Variants in MLIP observed in about 807,000 individuals in gnomAD.
MLIP encodes the protein muscular LMNA interacting protein.
A neutral mutation model predicts 84.8 loss-of-function variants in MLIP; 79 were observed. That is an observed-to-expected ratio of 0.93 (90% CI 0.78 to 1.12). The LOEUF (loss-of-function observed/expected upper bound fraction) is 1.12, where lower values mean the gene tolerates loss of function less well. MLIP is among the 50% of genes most tolerant of loss of function. The pLI is 0.00. For missense variants in MLIP, 1,257 were observed against 1,160.6 expected (o/e 1.08, Z -1.21); for synonymous variants, 504 against 463.0 (o/e 1.09, Z -1.14).
chr6:54,127,093 A>G (rs894006727), intron 3 of MLIP, among the ~76,000 whole-genome samples: 1 of 152,006 alleles, frequency 6.6e-6, no homozygotes, highest in Admixed American at 6.6e-5. Flanking sequence ...GCTCTTCTCC[A>G]TTTTGACCTA....
At chr6:54,050,992 A>G (rs1765344186) in intron 1 of MLIP, among the ~76,000 whole-genome samples, 1 of 152,140 alleles carries the variant, frequency 6.6e-6, no homozygotes, top group Admixed American at 6.6e-5. Flanking sequence ...GACGTTTCCA[A>G]TGCAGGCTTT....
intron 10 of MLIP, among the ~76,000 whole-genome samples, chr6:54,200,272 G>A (rs1778578857): frequency 1.3e-5 from 2 of 152,210 alleles, no homozygotes; most frequent in African/African-American, 4.8e-5. Flanking sequence ...CTCTGGCAGA[G>A]GTTATCCTAC....
At chr6:54,070,144 C>T (rs1203532526) in intron 1 of MLIP, among the ~76,000 whole-genome samples, 1 of 152,144 alleles carries the variant, frequency 6.6e-6, no homozygotes, top group Non-Finnish European at 1.5e-5. Flanking sequence ...TAAATGTGGG[C>T]CATTGCTGAT....
At chr6:54,242,581 A>G (rs1781810461) in intron 12 of MLIP, among the ~76,000 whole-genome samples, 1 of 152,264 alleles carries the variant, frequency 6.6e-6, no homozygotes, top group South Asian at 2.1e-4. Flanking sequence ...GTTAATAGAG[A>G]TTATGACTTA....
intron 13 of MLIP, among the ~76,000 whole-genome samples, chr6:54,263,693 C>A (rs1318385819): frequency 6.6e-6 from 1 of 151,442 alleles, no homozygotes; most frequent in African/African-American, 2.4e-5. Context: ...GAATATATTA[C>A]CTATTACCCA....
intron 12 of MLIP, among the ~76,000 whole-genome samples, chr6:54,240,073 T>C (rs1392528277): frequency 6.6e-6 from 1 of 152,190 alleles, no homozygotes; most frequent in Non-Finnish European, 1.5e-5. Flanking sequence ...GTTGTATGCC[T>C]ATACTTGAAA....
upstream of MLIP, among the ~76,000 whole-genome samples, chr6:54,109,884 A>G (rs923303453): frequency 3.4e-5 from 5 of 149,220 alleles, no homozygotes; most frequent in African/African-American, 1.2e-4. Flanking sequence ...GAACTGCAGT[A>G]TAGGGCTTTC....
chr6:54,248,771 CTA>C (rs1437426344), intron 12 of MLIP, among the ~76,000 whole-genome samples: 1 of 151,926 alleles, frequency 6.6e-6, no homozygotes, highest in African/African-American at 2.4e-5. Context: ...CAGAAAATTC[CTA>C]TGTTTTCTTA....
intron 11 of MLIP, among the ~76,000 whole-genome samples, chr6:54,211,937 T>C (rs1779480833): frequency 6.6e-6 from 1 of 152,224 alleles, no homozygotes; most frequent in African/African-American, 2.4e-5. Flanking sequence ...CTTCTTTTTG[T>C]GTTCTTAGTT....
At chr6:54,196,517 AT>A (rs1345846975) in intron 10 of MLIP, among the ~76,000 whole-genome samples, 1 of 152,058 alleles carries the variant, frequency 6.6e-6, no homozygotes, top group African/African-American at 2.4e-5. Context: ...ACATGATCTC[AT>A]TCCTTTTTAT....
intron 3 of MLIP, among the ~76,000 whole-genome samples, chr6:54,130,229 A>G (rs1771267494): frequency 6.6e-6 from 1 of 152,174 alleles, no homozygotes; most frequent in African/African-American, 2.4e-5. Flanking sequence ...ACCAGGTACA[A>G]AGGAAGAACA....
At chr6:54,029,325 G>C (rs1459950518) in intron 1 of MLIP, 1 of 152,204 alleles carries the variant, frequency 6.6e-6, no homozygotes, top group Non-Finnish European at 1.5e-5. Flanking sequence ...GAGTCCTAGT[G>C]GATGAGAGTA....
intron 3 of MLIP, among the ~76,000 whole-genome samples, chr6:54,130,990 A>G (rs1301301392): frequency 6.6e-6 from 1 of 152,162 alleles, no homozygotes; most frequent in East Asian, 1.9e-4. Flanking sequence ...CAGAAAAGGT[A>G]AGCGATTCAA....
intron 1 of MLIP, among the ~76,000 whole-genome samples, chr6:54,070,988 T>C (rs1039976746): frequency 4.6e-5 from 7 of 152,110 alleles, no homozygotes; most frequent in African/African-American, 1.7e-4. Flanking sequence ...ATATTTCCCA[T>C]CATGGACCCA....
At chr6:54,026,886 T>C (rs2150272958) in intron 1 of MLIP, among the ~76,000 whole-genome samples, 1 of 152,300 alleles carries the variant, frequency 6.6e-6, no homozygotes, top group Middle Eastern at 3.4e-3. Context: ...CTTTGACAAA[T>C]CACTTAACCT....
intron 12 of MLIP, among the ~76,000 whole-genome samples, chr6:54,238,435 G>A (rs1309554025): frequency 6.6e-6 from 1 of 152,072 alleles, no homozygotes; most frequent in Non-Finnish European, 1.5e-5. Context: ...TCAGTTTTAT[G>A]CACTTTGTTC....
intron 5 of MLIP, among the ~76,000 whole-genome samples, chr6:54,155,401 G>C (rs533876771): frequency 1.3e-5 from 2 of 152,108 alleles, no homozygotes; most frequent in South Asian, 4.1e-4. Context: ...GAGAATTTAG[G>C]CTATACATAA....
At chr6:54,055,148 A>T (rs976495646) in intron 1 of MLIP, among the ~76,000 whole-genome samples, 1 of 152,056 alleles carries the variant, frequency 6.6e-6, no homozygotes, top group African/African-American at 2.4e-5. Context: ...GGCCTCCCAA[A>T]GTGTTGGGAC....
At chr6:54,056,554 A>G (rs190572371) in intron 1 of MLIP, among the ~76,000 whole-genome samples, 1 of 152,240 alleles carries the variant, frequency 6.6e-6, no homozygotes, top group Non-Finnish European at 1.5e-5. Context: ...GACCTCTTCT[A>G]CTTCTGAGAG....
Sources: allele counts gnomAD v4.1 joint callset (sites outside exome capture counted in the v4.1 genomes callset), GRCh38; gene constraint gnomAD v4.1.1; transcripts MANE v1.5; gene names NCBI Gene and HGNC (gene_info 2026-07-23, HGNC 2026-07-21).